USP32: variants seen among roughly 807,000 people sequenced by gnomAD.
USP32 encodes ubiquitin specific peptidase 32.
USP32 carries 59 observed loss-of-function variants against 204.8 expected under a neutral mutation model. That is an observed-to-expected ratio of 0.29 (90% CI 0.23 to 0.36). The LOEUF (loss-of-function observed/expected upper bound fraction) is 0.36. USP32 is among the 10% of genes least tolerant of loss of function. USP32 has a pLI of 1.00. For synonymous variants in USP32, 517 were observed against 678.4 expected (o/e 0.76, Z 3.70); for missense variants, 1,160 against 1,946.4 (o/e 0.60, Z 7.60).
intron 1 of USP32, among the ~76,000 whole-genome samples, chr17:60,372,089 G>A (rs1166730276): frequency 6.6e-6 from 1 of 152,106 alleles, no homozygotes; most frequent in Non-Finnish European, 1.5e-5. Flanking sequence ...GTGGAAGGAA[G>A]GGAGAGACAA....
chr17:60,270,337 G>A (rs1304405264), intron 6 of USP32, among the ~76,000 whole-genome samples: 1 of 152,154 alleles, frequency 6.6e-6, no homozygotes, highest in Non-Finnish European at 1.5e-5. Context: ...GAAGAATACA[G>A]ATAGTATATT....
intron 29 of USP32, among the ~76,000 whole-genome samples, chr17:60,187,126 T>C (rs2084270842): frequency 6.6e-6 from 1 of 152,178 alleles, no homozygotes; most frequent in Admixed American, 6.5e-5. Context: ...CATTAGGCTG[T>C]TGCAATACAA....
intron 11 of USP32, among the ~76,000 whole-genome samples, chr17:60,243,406 C>T (rs184653011): frequency 4.2e-4 from 64 of 152,176 alleles, no homozygotes; most frequent in Non-Finnish European, 7.5e-4. Context: ...TTGATAAGTG[C>T]GGCAAAAGCA....
chr17:60,340,452 T>C lies in USP32; in HGVS notation c.186+5029A>G, dbSNP rs1413831020. ...AATTCTTTGTCTCTTTTGATCGTTG[T>C]TGGTTTAAAGTCTGTTTTATCAGAG... On this transcript the variant is annotated intron_variant, in intron 2 of 33. Coordinates refer to ENST00000300896, the MANE Select transcript of USP32 (RefSeq NM_032582.4). Among the ~76,000 whole-genome samples the C allele has an allele frequency of 2.0e-5, 3 of 152,240 alleles. No individual in the cohort carries two copies. In the East Asian group the frequency reaches 5.8e-4, roughly 29 times the overall value.
At chr17:60,330,610 AATC>A (rs2088357355) in intron 2 of USP32, among the ~76,000 whole-genome samples, 1 of 150,640 alleles carries the variant, frequency 6.6e-6, no homozygotes, top group South Asian at 2.1e-4. Context: ...GCAGTGGTGC[AATC>A]ATGGTTCACT....
intron 1 of USP32, among the ~76,000 whole-genome samples, chr17:60,350,639 T>G (rs1026296326): frequency 6.6e-6 from 1 of 152,138 alleles, no homozygotes; most frequent in Non-Finnish European, 1.5e-5. Context: ...TATCTTCGTA[T>G]TAGAAAGAAA....
At chr17:60,391,381 G>A (rs2089830400) in intron 1 of USP32, among the ~76,000 whole-genome samples, 1 of 152,188 alleles carries the variant, frequency 6.6e-6, no homozygotes, top group South Asian at 2.1e-4. Flanking sequence ...ATAGGCTCTG[G>A]GAAAAGGCAG....
chr17:60,234,119 T>C (rs1187857347), intron 12 of USP32, among the ~76,000 whole-genome samples: 1 of 151,126 alleles, frequency 6.6e-6, no homozygotes, highest in Non-Finnish European at 1.5e-5. Flanking sequence ...ATGACTAATT[T>C]TTTTTTTTTT....
chr17:60,299,031 T>C (rs112405591), intron 3 of USP32, among the ~76,000 whole-genome samples: 10,511 of 151,860 alleles, frequency 0.069, 1,271 homozygotes, highest in African/African-American at 0.24. Context: ...ACTTGGGAGG[T>C]TGAGGTAGGT....
chr17:60,338,561 C>T (rs2088580126), intron 2 of USP32, among the ~76,000 whole-genome samples: 1 of 152,024 alleles, frequency 6.6e-6, no homozygotes, highest in Non-Finnish European at 1.5e-5. Context: ...GAAACCCCAT[C>T]CCTACAAAAA....
intron 9 of USP32, 90 bp from the exon 10 acceptor site, chr17:60,255,348 A>G: frequency 1.0e-6 from 1 of 980,442 alleles, no homozygotes; most frequent in African/African-American, 1.9e-5. Flanking sequence ...CCTGGGCTGG[A>G]GTGCAATGGC....
At chr17:60,227,610 G>A (rs1416281456) in intron 12 of USP32, among the ~76,000 whole-genome samples, 2 of 148,030 alleles carry the variant, frequency 1.4e-5, no homozygotes, top group East Asian at 2.0e-4. Flanking sequence ...ACAGGGTCTC[G>A]CTATGTTGGC....
intron 9 of USP32, chr17:60,256,929 G>T: frequency 2.7e-6 from 1 of 366,594 alleles, no homozygotes. Context: ...GACCAACAAC[G>T]TGATTTCATC....
intron 11 of USP32, among the ~76,000 whole-genome samples, chr17:60,248,888 A>ATAT (rs2086101205): frequency 1.3e-5 from 2 of 151,936 alleles, no homozygotes; most frequent in South Asian, 2.1e-4. Context: ...ATGTCTCATA[A>ATAT]TTTTTTCTTG....
Position 60,181,631 on chromosome 17 carries a change from A to G in USP32, c.4241T>C (p.Ile1414Thr). ...ACTTGACAGTTTATTTTTGCTGCCA[A>G]TCTGGGGCAGCCGGAGCCTCCCTTT... ...RSKGRLRLPQ[I>T]GSKNKLSSSK... The change falls in exon 32 of 34, where the codon ATT becomes ACT. Residue 1414 changes from isoleucine (I) to threonine (T), a missense_variant. Ile to Thr is a moderately conservative substitution (Grantham distance 89). Transcript: ENST00000300896. 6.2e-7 allele frequency: 1 copy of G among 1,613,890 alleles called. No individual in the cohort carries two copies.
chr17:60,307,235 G>A (rs2087747555), intron 2 of USP32, among the ~76,000 whole-genome samples: 1 of 151,984 alleles, frequency 6.6e-6, no homozygotes. Flanking sequence ...GAGTAGCTGG[G>A]ATTACAGGCA....
intron 12 of USP32, among the ~76,000 whole-genome samples, chr17:60,232,319 C>A (rs1352562084): frequency 6.6e-6 from 1 of 150,464 alleles, no homozygotes; most frequent in Non-Finnish European, 1.5e-5. Flanking sequence ...ACTGCAGGCA[C>A]ACGCCACCAC....
At chr17:60,383,660 C>T (rs78941555) in intron 1 of USP32, among the ~76,000 whole-genome samples, 3,265 of 152,284 alleles carry the variant, frequency 0.021, 139 homozygotes, top group African/African-American at 0.074. Context: ...ATGAGCCAGA[C>T]ATGTAAAAAT....
intron 1 of USP32, among the ~76,000 whole-genome samples, chr17:60,361,918 G>A (rs763330523): frequency 5.3e-5 from 8 of 152,120 alleles, no homozygotes; most frequent in Non-Finnish European, 1.2e-4. Context: ...CAAAGATATA[G>A]TGTTAACAGT....
Sources: allele counts gnomAD v4.1 joint callset (sites outside exome capture counted in the v4.1 genomes callset), GRCh38; gene constraint gnomAD v4.1.1; transcripts MANE v1.5; gene names NCBI Gene and HGNC (gene_info 2026-07-23, HGNC 2026-07-21).